The following ZNF385B variants were observed in gnomAD, a reference collection of about 807,000 sequenced individuals.
ZNF385B encodes the protein zinc finger protein 385B.
In ZNF385B, 23 loss-of-function variants were observed where a neutral mutation model predicts 39.2. The observed-to-expected ratio is 0.59, with a 90% CI of 0.42 to 0.83. The LOEUF (loss-of-function observed/expected upper bound fraction) is 0.83. Among genes scored for constraint, ZNF385B ranks in the 40% least tolerant of loss-of-function variants. The pLI is 0.00. For synonymous variants in ZNF385B, 205 were observed against 222.6 expected (o/e 0.92, Z 0.70); for missense variants, 552 against 598.9 (o/e 0.92, Z 0.82).
At chr2:179,817,282 G>C (rs1159191358) in intron 1 of ZNF385B, among the ~76,000 whole-genome samples, 1 of 152,130 alleles carries the variant, frequency 6.6e-6, no homozygotes, top group Non-Finnish European at 1.5e-5. Context: ...GCAAAATAGA[G>C]AATTGTTTCT....
intron 3 of ZNF385B, among the ~76,000 whole-genome samples, chr2:179,633,201 T>A (rs1170059751): frequency 6.6e-6 from 1 of 152,212 alleles, no homozygotes; most frequent in Admixed American, 6.5e-5. Flanking sequence ...TAACTCATTT[T>A]ATGAGACCAA....
chr2:179,490,292 G>T (rs570852702), intron 5 of ZNF385B, among the ~76,000 whole-genome samples: 29 of 150,394 alleles, frequency 1.9e-4, no homozygotes, highest in South Asian at 2.1e-4. Context: ...ACCACTATTT[G>T]AATATATGAG....
At chr2:179,535,711 G>A (rs2059521353) in intron 4 of ZNF385B, among the ~76,000 whole-genome samples, 1 of 152,178 alleles carries the variant, frequency 6.6e-6, no homozygotes, top group South Asian at 2.1e-4. Flanking sequence ...AACATAAAAA[G>A]GAAGGTAAAC....
chr2:179,591,104 T>TACACACAC (rs143269141), intron 3 of ZNF385B, among the ~76,000 whole-genome samples: 32,248 of 149,660 alleles, frequency 0.22, 3,646 homozygotes, highest in Non-Finnish European at 0.25. Context: ...ATGATTCATT[T>TACACACAC]ACACACACAC....
At chr2:179,460,124 G>GA (rs949294576) in intron 6 of ZNF385B, among the ~76,000 whole-genome samples, 80 of 150,158 alleles carry the variant, frequency 5.3e-4, no homozygotes, top group African/African-American at 1.8e-3. Flanking sequence ...GAAAAGAAAA[G>GA]AAAAAAAAAT....
At chr2:179,587,288 A>G (rs902114840) in intron 3 of ZNF385B, among the ~76,000 whole-genome samples, 2 of 152,242 alleles carry the variant, frequency 1.3e-5, no homozygotes. Flanking sequence ...ATAATAGGTT[A>G]AATTGTTTTA....
At chr2:179,761,452 C>T (rs1006342639) in intron 3 of ZNF385B, among the ~76,000 whole-genome samples, 1 of 152,136 alleles carries the variant, frequency 6.6e-6, no homozygotes, top group African/African-American at 2.4e-5. Context: ...TTTCAGCATA[C>T]AGATCCTACA....
chr2:179,714,152 G>A (rs1700174990), intron 3 of ZNF385B, among the ~76,000 whole-genome samples: 1 of 152,192 alleles, frequency 6.6e-6, no homozygotes, highest in South Asian at 2.1e-4. Context: ...GGCATAGGAG[G>A]AGGAATAGGA....
intron 3 of ZNF385B, among the ~76,000 whole-genome samples, chr2:179,756,686 T>C (rs1424867001): frequency 6.6e-6 from 1 of 152,164 alleles, no homozygotes; most frequent in Non-Finnish European, 1.5e-5. Flanking sequence ...TTCTTTTTAC[T>C]CTTTTTTCTC....
Position 179,730,313 on chromosome 2 carries a change from T to C in ZNF385B, c.298+39190A>G, listed in dbSNP as rs542663935. 1.2e-3 allele frequency among the ~76,000 whole-genome samples: 176 copies of C among 152,302 alleles called. 4 individuals are homozygous for C. The highest frequency in any genetic ancestry group is 8.2e-4 in the Non-Finnish European group (56 of 68,014). On this transcript the variant is annotated intron_variant, in intron 3 of 9. Coordinates refer to ENST00000410066, the MANE Select transcript of ZNF385B (RefSeq NM_152520.6). ...AAATTTAAGTTACCTCTTCTCTCAT[T>C]CTTCTGGTCTTCAAGAAGACATTCT...
intron 1 of ZNF385B, among the ~76,000 whole-genome samples, chr2:179,808,784 G>C (rs185019202): frequency 1.4e-3 from 218 of 152,166 alleles, no homozygotes; most frequent in African/African-American, 4.8e-3. Context: ...CTTAACAAAA[G>C]AAATTGTTTC....
chr2:179,551,839 A>G (rs1430196132), intron 3 of ZNF385B, among the ~76,000 whole-genome samples: 1 of 152,044 alleles, frequency 6.6e-6, no homozygotes, highest in African/African-American at 2.4e-5. Flanking sequence ...TCTGGACACC[A>G]GACAGAGTCC....
At chr2:179,814,340 C>T (rs767524721) in intron 1 of ZNF385B, 4 of 282,928 alleles carry the variant, frequency 1.4e-5, no homozygotes, top group Non-Finnish European at 2.8e-5. Context: ...TCATTCGCTT[C>T]GGCCACGGCT....
chr2:179,493,651 A>T (rs112467598), intron 5 of ZNF385B, among the ~76,000 whole-genome samples: 1 of 113,078 alleles, frequency 8.8e-6, no homozygotes. Context: ...ACATATGCGT[A>T]TACATATATG....
chr2:179,774,360 TC>T (rs1704188417), intron 1 of ZNF385B, among the ~76,000 whole-genome samples: 1 of 151,204 alleles, frequency 6.6e-6, no homozygotes, highest in Admixed American at 6.6e-5. Flanking sequence ...GTCAATGTTT[TC>T]TTTTTTTTGT....
At chr2:179,525,159 C>T (rs990865188) in intron 4 of ZNF385B, among the ~76,000 whole-genome samples, 1 of 152,084 alleles carries the variant, frequency 6.6e-6, no homozygotes, top group African/African-American at 2.4e-5. Flanking sequence ...AGAAACACTG[C>T]CAGAATCATG....
intron 3 of ZNF385B, among the ~76,000 whole-genome samples, chr2:179,662,660 A>G (rs1439296134): frequency 1.3e-5 from 2 of 152,176 alleles, no homozygotes; most frequent in Admixed American, 1.3e-4. Context: ...ATTCTTCCTT[A>G]ATCAGGTTGG....
chr2:179,560,886 G>A (rs928708562), intron 3 of ZNF385B, among the ~76,000 whole-genome samples: 5 of 152,170 alleles, frequency 3.3e-5, no homozygotes, highest in Admixed American at 3.3e-4. Flanking sequence ...TAACAAATTA[G>A]ACCATATCTC....
intron 3 of ZNF385B, among the ~76,000 whole-genome samples, chr2:179,697,520 C>T (rs571647309): frequency 1.3e-5 from 2 of 152,148 alleles, no homozygotes; most frequent in Admixed American, 1.3e-4. Flanking sequence ...GTCAGTTAAA[C>T]CTTTTTCCTT....
Sources: gnomAD v4.1 joint callset for allele counts (sites outside exome capture counted in the v4.1 genomes callset) on GRCh38, gnomAD v4.1.1 for gene constraint, MANE v1.5 for transcripts, NCBI Gene and HGNC (gene_info 2026-07-23, HGNC 2026-07-21) for gene names.